The following PCAT7 variants were observed in gnomAD, a reference collection of about 807,000 sequenced individuals.
PCAT7 encodes the protein prostate cancer associated transcript 7.
chr9:94,568,475 T>C lies in PCAT7; in HGVS notation n.442-4504T>C, dbSNP rs368965353. Reference sequence around the variant, plus strand: ...CCTTAAATGCTCATGTCTGTCTCAGTCACTAGGAGGAAAACCAGAGCCTGG... The same window carrying C: ...CCTTAAATGCTCATGTCTGTCTCAGCCACTAGGAGGAAAACCAGAGCCTGG... On this transcript the variant is annotated intron_variant and non_coding_transcript_variant, in intron 2 of 8. Transcript: ENST00000647389. 3 of 152,264 alleles carry C rather than the reference T, an allele frequency of 2.0e-5. No individual in the cohort carries two copies. In the South Asian group the frequency reaches 6.2e-4, roughly 32 times the overall value. The allele number at this position is 152,264 out of a possible 1,614,324, so 9.4% of individuals were successfully genotyped here.
intron 2 of PCAT7, among the ~76,000 whole-genome samples, chr9:94,565,026 T>C (rs964260966): frequency 1.3e-5 from 2 of 152,160 alleles, no homozygotes; most frequent in Non-Finnish European, 2.9e-5. Context: ...TTATATATAA[T>C]GAAACATCAG....
intron 2 of PCAT7, among the ~76,000 whole-genome samples, chr9:94,564,372 G>A (rs937734599): frequency 6.6e-6 from 1 of 152,176 alleles, no homozygotes; most frequent in African/African-American, 2.4e-5. Context: ...TATGTTCACT[G>A]CAACACTATT....
chr9:94,567,429 C>T, intron 2 of PCAT7: 1 of 1,607,310 alleles, frequency 6.2e-7, no homozygotes, highest in Non-Finnish European at 8.5e-7. Flanking sequence ...AAGAGAGATG[C>T]CAGGAAGAAG....
At chr9:94,563,374 A>C in intron 2 of PCAT7, 1 of 1,614,146 alleles carries the variant, frequency 6.2e-7, no homozygotes, top group Non-Finnish European at 8.5e-7. Flanking sequence ...TTGGCTGGGT[A>C]CAGGAAGATT....
At chr9:94,572,260 C>A (rs944856576) in intron 2 of PCAT7, among the ~76,000 whole-genome samples, 1 of 152,056 alleles carries the variant, frequency 6.6e-6, no homozygotes, top group East Asian at 1.9e-4. Context: ...TCTTCCTCAC[C>A]CCCTTATCCA....
chr9:94,563,478 G>T, intron 2 of PCAT7: 1 of 1,610,796 alleles, frequency 6.2e-7, no homozygotes, highest in Non-Finnish European at 8.5e-7. Flanking sequence ...GACAGAAAGC[G>T]AAGAGACAAG....
intron 2 of PCAT7, chr9:94,571,433 G>A: frequency 6.3e-7 from 1 of 1,579,526 alleles, no homozygotes; most frequent in Non-Finnish European, 8.6e-7. Context: ...GAGTCCCCAG[G>A]CACAGATGAT....
intron 2 of PCAT7, among the ~76,000 whole-genome samples, chr9:94,572,344 T>C (rs780253737): frequency 7.9e-5 from 12 of 151,926 alleles, no homozygotes; most frequent in Non-Finnish European, 1.3e-4. Flanking sequence ...CGCACACTTA[T>C]TTGATGGGGT....
At chr9:94,561,352 ATTTTTTTTTT>A (rs1174386595) in intron 2 of PCAT7, among the ~76,000 whole-genome samples, 3 of 54,990 alleles carry the variant, frequency 5.5e-5, no homozygotes, top group East Asian at 6.4e-4. Flanking sequence ...TGTGACCTGT[ATTTTTTTTTT>A]TTTTTTTTTT....
At chr9:94,561,227 C>T (rs939793261) in intron 2 of PCAT7, among the ~76,000 whole-genome samples, 32 of 152,238 alleles carry the variant, frequency 2.1e-4, no homozygotes, top group Middle Eastern at 3.4e-3. Context: ...GTACCTAATG[C>T]GCTTGTCTTG....
chr9:94,561,078 C>G (rs1827091924), intron 2 of PCAT7, among the ~76,000 whole-genome samples: 2 of 152,238 alleles, frequency 1.3e-5, no homozygotes, highest in South Asian at 4.1e-4. Flanking sequence ...CAAGGAGACT[C>G]TCACCTTGAC....
intron 2 of PCAT7, among the ~76,000 whole-genome samples, chr9:94,565,737 G>A (rs1404884490): frequency 4.8e-5 from 1 of 20,788 alleles, no homozygotes; most frequent in Non-Finnish European, 1.0e-4. Flanking sequence ...GTAGATAGAT[G>A]ATAGATAGAT....
At chr9:94,558,595 C>CA in intron 1 of PCAT7, 1 of 292,768 alleles carries the variant, frequency 3.4e-6, no homozygotes, top group African/African-American at 2.3e-5. Context: ...ACCCAGCTGA[C>CA]AAATTCTTAA....
At chr9:94,571,454 G>A (rs780811651) in intron 2 of PCAT7, 3 of 1,607,570 alleles carry the variant, frequency 1.9e-6, no homozygotes, top group African/African-American at 1.3e-5. Flanking sequence ...GCCATATTCT[G>A]TACCTACCGG....
At chr9:94,569,576 C>G (rs533220971) in intron 2 of PCAT7, 1 of 152,330 alleles carries the variant, frequency 6.6e-6, no homozygotes, top group African/African-American at 2.4e-5. Flanking sequence ...AATATTGTTT[C>G]CACAGTTTTA....
In PCAT7 at chr9:94,561,456, A is replaced by G. The variant is rs772262846; in HGVS notation, n.441+2304A>G. Among the ~76,000 whole-genome samples the G allele has an allele frequency of 2.1e-4, 29 of 137,138 alleles. No individual in the cohort carries two copies. In the South Asian group the frequency reaches 3.1e-3, roughly 14 times the overall value. 90.0% of individuals were successfully genotyped at this position (137,138 alleles called of 152,430 possible). ...CGGCTCACTGCAAGCTCCGCCTCCC[A>G]GGTTCACGCCATTCTCCTGCCTCAG... is the stretch of plus-strand genomic sequence containing the variant. On this transcript the variant is annotated intron_variant and non_coding_transcript_variant, in intron 2 of 8. Transcript: ENST00000647389.
chr9:94,561,644 C>T (rs961292485), intron 2 of PCAT7, among the ~76,000 whole-genome samples: 28 of 152,180 alleles, frequency 1.8e-4, no homozygotes, highest in South Asian at 4.2e-4. Context: ...GGATTACAGG[C>T]GTGAGCCACC....
intron 1 of PCAT7, among the ~76,000 whole-genome samples, chr9:94,556,354 G>A (rs1305213592): frequency 6.6e-6 from 1 of 152,000 alleles, no homozygotes; most frequent in Non-Finnish European, 1.5e-5. Context: ...ATGGGGAAAA[G>A]CGTGGTGAGC....
chr9:94,562,023 A>G (rs553123536), intron 2 of PCAT7, among the ~76,000 whole-genome samples: 3 of 152,262 alleles, frequency 2.0e-5, no homozygotes, highest in East Asian at 1.9e-4. Flanking sequence ...AAGAATTTCC[A>G]TGTCTTCGCC....
Sources: allele counts gnomAD v4.1 joint callset (sites outside exome capture counted in the v4.1 genomes callset), GRCh38; gene constraint gnomAD v4.1.1; transcripts MANE v1.5; gene names NCBI Gene and HGNC (gene_info 2026-07-23, HGNC 2026-07-21).